The following ERCC8 variants were observed in gnomAD, a reference collection of about 807,000 sequenced individuals.
ERCC8 encodes ERCC excision repair 8, CSA ubiquitin ligase complex subunit.
ERCC8 carries 52 observed loss-of-function variants against 54.9 expected under a neutral mutation model. That is an observed-to-expected ratio of 0.95 (90% confidence interval 0.76 to 1.19). The LOEUF is 1.19. Ranked by LOEUF, ERCC8 falls within the 50% of genes most tolerant of loss-of-function variation. The pLI is 0.00. For synonymous variants in ERCC8, 146 were observed against 157.2 expected (o/e 0.93, Z 0.53); for missense variants, 514 against 466.1 (o/e 1.10, Z -0.95).
At chr5:60,929,004 A>G (rs1749831162) in intron 1 of ERCC8, 45 bp from the exon 2 acceptor site, 3 of 1,177,710 alleles carry the variant, frequency 2.5e-6, no homozygotes, top group Non-Finnish European at 3.8e-6. Context: ...GTAATTTAAC[A>G]TTTAAAAATT....
At position 60,935,574 on chromosome 5, in the gene ERCC8, T is replaced by C. The variant is rs373228647; in HGVS notation, c.78-6615A>G. ...TCTGGCTGGGACTTCCAGCACTATGTTGAATAGAAGTGGTGAAAGTGGGCA... is the reference window on the plus strand; with the variant it reads ...TCTGGCTGGGACTTCCAGCACTATGCTGAATAGAAGTGGTGAAAGTGGGCA... On this transcript the variant is annotated intron_variant, in intron 1 of 11. Transcript: ENST00000676185. Among the ~76,000 whole-genome samples the C allele has an allele frequency of 5.3e-5, 8 of 152,326 alleles. No homozygotes were observed. In the South Asian group the frequency reaches 1.7e-3, roughly 32 times the overall value.
At chr5:60,936,103 C>A (rs934434988) in intron 1 of ERCC8, among the ~76,000 whole-genome samples, 1 of 152,184 alleles carries the variant, frequency 6.6e-6, no homozygotes, top group Non-Finnish European at 1.5e-5. Flanking sequence ...AGGATTGATA[C>A]AAATTCTTCT....
intron 11 of ERCC8, among the ~76,000 whole-genome samples, chr5:60,881,142 GC>G (rs1437107612): frequency 1.4e-5 from 2 of 147,962 alleles, no homozygotes; most frequent in Non-Finnish European, 3.0e-5. Flanking sequence ...CAGACCGTTT[GC>G]CTGGCTATCA....
chr5:60,871,337 A>C lies in ERCC8; in HGVS notation c.*3278T>G, dbSNP rs1414114227. 6.6e-6 allele frequency among the ~76,000 whole-genome samples: 1 copy of C among 152,262 alleles called. No individual in the cohort carries two copies. The highest frequency in any genetic ancestry group is 2.4e-5 in the African/African-American group (1 of 41,474). On this transcript the variant is annotated 3_prime_UTR_variant, in exon 12 of 12. Transcript: ENST00000676185. ...ACAGAGAGGGATTTATATAAGCTGTAACTGCAAAATATAATTTAAAAACTT... is the reference window on the plus strand; with the variant it reads ...ACAGAGAGGGATTTATATAAGCTGTCACTGCAAAATATAATTTAAAAACTT...
At chr5:60,910,133 G>T (rs578029369) in intron 4 of ERCC8, among the ~76,000 whole-genome samples, 38 of 152,166 alleles carry the variant, frequency 2.5e-4, no homozygotes, top group African/African-American at 9.2e-4. Flanking sequence ...CAACTGTGAT[G>T]GGGGTCAGCT....
At chr5:60,875,336 T>A (rs1396587836) in intron 11 of ERCC8, among the ~76,000 whole-genome samples, 3 of 152,224 alleles carry the variant, frequency 2.0e-5, no homozygotes, top group Non-Finnish European at 4.4e-5. Context: ...AACACGTTTA[T>A]AGTCAGCACA....
At chr5:60,884,022 T>C (rs1748321014) in intron 11 of ERCC8, among the ~76,000 whole-genome samples, 1 of 152,222 alleles carries the variant, frequency 6.6e-6, no homozygotes, top group Admixed American at 6.5e-5. Flanking sequence ...TACATCTTGA[T>C]TGATGGGGAG....
At chr5:60,922,423 A>T (rs1749626472) in intron 2 of ERCC8, among the ~76,000 whole-genome samples, 1 of 152,028 alleles carries the variant, frequency 6.6e-6, no homozygotes, top group Non-Finnish European at 1.5e-5. Context: ...CAGAAACAAG[A>T]CGGCAAAAGA....
intron 4 of ERCC8, among the ~76,000 whole-genome samples, chr5:60,911,812 C>T (rs1749275413): frequency 6.6e-6 from 1 of 152,072 alleles, no homozygotes; most frequent in Non-Finnish European, 1.5e-5. Flanking sequence ...CTACATATGG[C>T]TAGCCAGTTT....
chr5:60,908,207 T>A (rs948751967), intron 4 of ERCC8, among the ~76,000 whole-genome samples: 4 of 152,152 alleles, frequency 2.6e-5, no homozygotes, highest in Admixed American at 6.6e-5. Flanking sequence ...CAGAAATGTT[T>A]CAGAGTTCAG....
chr5:60,890,753 T>C (rs1228554582), intron 10 of ERCC8, 136 bp downstream of exon 10: 4 of 693,824 alleles, frequency 5.8e-6, no homozygotes, highest in Non-Finnish European at 1.0e-5. Flanking sequence ...TGTGCTATTC[T>C]CTATTAAATA....
intron 9 of ERCC8, chr5:60,893,372 T>C: frequency 1.2e-6 from 1 of 854,280 alleles, no homozygotes; most frequent in Non-Finnish European, 2.0e-6. Context: ...TTGTCTTTCT[T>C]GCTCCTGGGC....
At chr5:60,915,588 C>T (rs1051946160) in intron 4 of ERCC8, among the ~76,000 whole-genome samples, 3 of 152,012 alleles carry the variant, frequency 2.0e-5, no homozygotes, top group Admixed American at 6.6e-5. Flanking sequence ...AAGGTGTTGA[C>T]AGGCTGCATT....
chr5:60,934,769 T>C (rs926686632), intron 1 of ERCC8, among the ~76,000 whole-genome samples: 40 of 152,222 alleles, frequency 2.6e-4, no homozygotes, highest in Non-Finnish European at 2.9e-5. Context: ...TCCATTTTCA[T>C]TTTCCTCCAT....
In ERCC8 at chr5:60,894,048, G is replaced by A. The variant is rs1040025600; in HGVS notation, c.844-2962C>T. Among the ~76,000 whole-genome samples, 3 of 148,238 alleles carry A rather than the reference G, an allele frequency of 2.0e-5. No homozygotes were observed. In the Admixed American group the frequency reaches 2.0e-4, roughly 10 times the overall value. ...CGCCCAGGCTGGAGTGCAGTGGCGC[G>A]ATCTAGGCTCACTGCAAGCTCCGCC... On this transcript the variant is annotated intron_variant, in intron 9 of 11. Coordinates refer to ENST00000676185, the MANE Select transcript of ERCC8 (RefSeq NM_000082.4).
chr5:60,875,782 C>T (rs1170956621), intron 11 of ERCC8, among the ~76,000 whole-genome samples: 2 of 152,064 alleles, frequency 1.3e-5, no homozygotes, highest in Admixed American at 1.3e-4. Context: ...CTGCAAGCTC[C>T]GCCTCCCGGG....
At chr5:60,920,226 A>T (rs1485581607) in intron 3 of ERCC8, among the ~76,000 whole-genome samples, 1 of 151,946 alleles carries the variant, frequency 6.6e-6, no homozygotes, top group Non-Finnish European at 1.5e-5. Flanking sequence ...TCTTCCTGAC[A>T]GTTATGTGAG....
At chr5:60,927,433 G>A (rs973028436) in intron 2 of ERCC8, among the ~76,000 whole-genome samples, 7 of 152,162 alleles carry the variant, frequency 4.6e-5, no homozygotes, top group African/African-American at 9.7e-5. Context: ...GACTTTTACC[G>A]TGCAATAAAG....
Position 60,870,916 on chromosome 5 carries a change from CT to C in ERCC8, c.*3698del, listed in dbSNP as rs1747850212. ...AGAAACTGTAAGTTTTTACTTTTTTCTTTTAAACCTCAGTTTACAAGCTTCC... is the reference window on the plus strand; with the variant it reads ...AGAAACTGTAAGTTTTTACTTTTTTCTTTAAACCTCAGTTTACAAGCTTCC... On this transcript the variant is annotated 3_prime_UTR_variant, in exon 12 of 12. Coordinates refer to ENST00000676185, the MANE Select transcript of ERCC8 (RefSeq NM_000082.4). Among the ~76,000 whole-genome samples the C allele has an allele frequency of 6.6e-6, 1 of 151,910 alleles. No individual in the cohort carries two copies. The highest frequency in any genetic ancestry group is 6.6e-5 in the Admixed American group (1 of 15,256).
Sources: allele counts gnomAD v4.1 joint callset (sites outside exome capture counted in the v4.1 genomes callset), GRCh38; gene constraint gnomAD v4.1.1; transcripts MANE v1.5; gene names NCBI Gene and HGNC (gene_info 2026-07-23, HGNC 2026-07-21).